The following ARGLU1 variants were observed in gnomAD, a reference collection of about 807,000 sequenced individuals.
ARGLU1 encodes arginine and glutamate rich 1, also known as arginine and glutamate-rich protein 1.
A neutral mutation model predicts 37.6 loss-of-function variants in ARGLU1; 9 were observed. The ratio of observed to expected loss-of-function variants is 0.24; its 90% CI spans 0.14 to 0.42. ARGLU1 has a LOEUF of 0.42. ARGLU1 is among the 10% of genes least tolerant of loss of function. ARGLU1 has a pLI of 1.00. For synonymous variants in ARGLU1, 166 were observed against 138.5 expected, an observed-to-expected ratio of 1.20 and a Z score of -1.39; for missense variants, 211 against 359.2, an observed-to-expected ratio of 0.59 and a Z score of 3.34.
chr13:106,567,888 C>T lies in ARGLU1; in HGVS notation c.32G>A (p.Arg11His). ...CTTGCTGCTCTTGGTGTGCTTGGAGCGGGACGAGCTCCGGCTCCGAGACCG... is the reference window on the plus strand; with the variant it reads ...CTTGCTGCTCTTGGTGTGCTTGGAGTGGGACGAGCTCCGGCTCCGAGACCG... Reference protein sequence around the residue: MGRSRSRSSSRSKHTKSSKHN... With the variant: MGRSRSRSSSHSKHTKSSKHN... Residue 11 changes from arginine (R) to histidine (H), a missense_variant, in exon 1 of 4, where the codon CGC becomes CAC. Arg to His is a conservative substitution (Grantham distance 29, BLOSUM62 0). Coordinates refer to ENST00000400198, the MANE Select transcript of ARGLU1 (RefSeq NM_018011.4). The surrounding 1 kb of genome is among the most constrained non-coding windows in gnomAD (Gnocchi z 4.3). 1 of 1,610,702 alleles carries T rather than the reference C, an allele frequency of 6.2e-7. No homozygotes were observed. The highest frequency in any genetic ancestry group is 1.3e-5 in the African/African-American group (1 of 74,884).
At chr13:106,544,661 T>A (rs1394372026) in intron 3 of ARGLU1, among the ~76,000 whole-genome samples, 2 of 152,106 alleles carry the variant, frequency 1.3e-5, no homozygotes, top group Admixed American at 1.3e-4. Context: ...GAGCAGGTTA[T>A]CTACCAATTG....
intron 2 of ARGLU1, chr13:106,558,525 A>G: frequency 1.0e-6 from 1 of 985,458 alleles, no homozygotes; most frequent in Non-Finnish European, 1.2e-6. Context: ...TTCATTATGC[A>G]AACTATGGTG....
chr13:106,544,233 T>A, intron 3 of ARGLU1, 73 bp from the exon 4 acceptor site: 4 of 1,345,800 alleles, frequency 3.0e-6, no homozygotes, highest in Non-Finnish European at 3.0e-6. Flanking sequence ...CAACAGGTGT[T>A]ATCTATTATG....
At chr13:106,562,721 G>A (rs1880843768) in intron 1 of ARGLU1, among the ~76,000 whole-genome samples, 1 of 152,062 alleles carries the variant, frequency 6.6e-6, no homozygotes, top group African/African-American at 2.4e-5. Context: ...GCTGGGCGCG[G>A]TGGCTCACGC....
chr13:106,555,323 T>C (rs910131494), intron 3 of ARGLU1, among the ~76,000 whole-genome samples: 4 of 152,128 alleles, frequency 2.6e-5, no homozygotes, highest in Admixed American at 2.0e-4. Context: ...ACTGCGCCAT[T>C]GCACTTCAGC....
At position 106,557,432 on chromosome 13, in the gene ARGLU1, G is replaced by T. The variant is rs774367265; in HGVS notation, c.574-301C>A. The T allele has an allele frequency of 2.8e-6, 2 of 702,924 alleles. No homozygotes were observed. Among genetic ancestry groups the T allele is most frequent in the Non-Finnish European group, 4.0e-6 (2 of 494,562 alleles). The allele number at this position is 702,924 out of a possible 1,614,324, so 43.5% of individuals were successfully genotyped here. ...ACAAGGACAACTACAAAACTGGATA[G>T]TATTTACCAAATTAAAAAAATAATA... On this transcript the variant is annotated intron_variant, in intron 2 of 3. Coordinates refer to ENST00000400198, the MANE Select transcript of ARGLU1 (RefSeq NM_018011.4). This position sits in a 1 kb window ranked among gnomAD's most constrained non-coding sequence, Gnocchi z 5.0.
intron 1 of ARGLU1, among the ~76,000 whole-genome samples, chr13:106,563,218 G>C (rs990914076): frequency 6.6e-6 from 1 of 152,044 alleles, no homozygotes; most frequent in Non-Finnish European, 1.5e-5. Context: ...TACTTAATAG[G>C]TAACATATAA....
intron 3 of ARGLU1, among the ~76,000 whole-genome samples, chr13:106,549,495 T>TAA (rs556748912): frequency 2.7e-3 from 410 of 152,350 alleles, no homozygotes; most frequent in African/African-American, 9.5e-3. Flanking sequence ...TGACACTTAG[T>TAA]AAACTACGTC....
chr13:106,556,519 T>C (rs902516553), intron 3 of ARGLU1, among the ~76,000 whole-genome samples: 6 of 151,314 alleles, frequency 4.0e-5, no homozygotes, highest in African/African-American at 9.7e-5. Context: ...CTTTATACCA[T>C]GTAACTGGAG....
Position 106,557,052 on chromosome 13 carries a change from T to C in ARGLU1, c.653A>G (p.Lys218Arg), listed in dbSNP as rs1250363762. Residue 218 changes from lysine to arginine, a missense_variant, in exon 3 of 4, where the codon AAA becomes AGA. Around this residue, in one of 3 missense-constraint regions of ARGLU1, gnomAD observed 80 missense variants for 158.4 expected, o/e 0.51. Transcript: ENST00000400198. This position sits in a 1 kb window ranked among gnomAD's most constrained non-coding sequence, Gnocchi z 5.0. ...NNRKIAEAQAKLAEEQLRIVE... is the reference protein window; with the variant it reads ...NNRKIAEAQARLAEEQLRIVE... ...TCATGTATGCTTTACACTTACCAGT[T>C]TGGCTTGTGCTTCTGCAATTTTTCG... is the stretch of plus-strand genomic sequence containing the variant. 3.7e-6 allele frequency: 6 copies of C among 1,612,840 alleles called. No individual in the cohort carries two copies. The highest frequency in any genetic ancestry group is 2.2e-5 in the East Asian group (1 of 44,866).
chr13:106,551,157 A>G (rs1880521638), intron 3 of ARGLU1, among the ~76,000 whole-genome samples: 1 of 152,200 alleles, frequency 6.6e-6, no homozygotes, highest in African/African-American at 2.4e-5. Flanking sequence ...CTAACAGTGA[A>G]CACCTTTTGC....
intron 1 of ARGLU1, among the ~76,000 whole-genome samples, chr13:106,562,153 CAGCAAA>C (rs1446071367): frequency 6.6e-6 from 1 of 152,184 alleles, no homozygotes; most frequent in African/African-American, 2.4e-5. Flanking sequence ...CAGGGTACCA[CAGCAAA>C]ACTGTTTGCC....
At chr13:106,565,103 C>CA (rs1247859226) in intron 1 of ARGLU1, among the ~76,000 whole-genome samples, 1 of 152,112 alleles carries the variant, frequency 6.6e-6, no homozygotes, top group Non-Finnish European at 1.5e-5. Context: ...ACAATCAAAA[C>CA]AAAAAAGGCA....
At chr13:106,559,904 A>G (rs1042301157) in intron 1 of ARGLU1, among the ~76,000 whole-genome samples, 1 of 152,216 alleles carries the variant, frequency 6.6e-6, no homozygotes, top group Non-Finnish European at 1.5e-5. Context: ...AGGTATATAC[A>G]AAGAGCCTAA....
At position 106,543,773 on chromosome 13, in the gene ARGLU1, G is replaced by A. The variant is rs1445932657; in HGVS notation, c.*223C>T. ...TAGAATCCAAACAGGTGAAAAATAC[G>A]TCACTCCTTAGAATACAACAATGAT... On this transcript the variant is annotated 3_prime_UTR_variant, in exon 4 of 4. Transcript: ENST00000400198. 7 of 413,234 alleles carry A rather than the reference G, an allele frequency of 1.7e-5. No homozygotes were observed. Among genetic ancestry groups the A allele is most frequent in the South Asian group, 7.2e-5 (2 of 27,858 alleles). The allele number at this position is 413,234 out of a possible 1,614,324, so 25.6% of individuals were successfully genotyped here.
chr13:106,564,502 C>T (rs117485575), intron 1 of ARGLU1, among the ~76,000 whole-genome samples: 524 of 152,300 alleles, frequency 3.4e-3, no homozygotes, highest in Admixed American at 8.4e-3. Flanking sequence ...TCTTATTTTA[C>T]GGTCTCTTTC....
At chr13:106,558,812 A>G (rs1266536530) in intron 2 of ARGLU1, 3 of 985,224 alleles carry the variant, frequency 3.0e-6, no homozygotes, top group Admixed American at 6.1e-5. Flanking sequence ...AATAATCTGG[A>G]TATTTTTCCT....
In ARGLU1 at chr13:106,544,025, G is replaced by C; in HGVS notation, c.793C>G (p.Leu265Val). 6.3e-7 allele frequency: 1 copy of C among 1,595,804 alleles called. No individual in the cohort carries two copies. The highest frequency in any genetic ancestry group is 8.5e-7 in the Non-Finnish European group (1 of 1,173,936). Residue 265 changes from leucine (L) to valine (V), a missense_variant, in exon 4 of 4, where the codon CTG (leucine) becomes GTG (valine). Leu to Val is a conservative substitution (Grantham distance 32, BLOSUM62 1). This residue lies in a region of ARGLU1 where 80 missense variants were observed against 158.4 expected (regional missense o/e 0.51). Coordinates refer to ENST00000400198, the MANE Select transcript of ARGLU1 (RefSeq NM_018011.4). ...TCCTGGGTTTTTAATGAGAAGGACA[G>C]TTTTGGCCTGGACTTCCCCTTGCCC... ...ILGKGKSRPK[L>V]SFSLKTQD
In ARGLU1 at chr13:106,559,529, C is replaced by T. The variant is rs1880741994; in HGVS notation, c.476G>A (p.Arg159Gln). 2.5e-6 allele frequency: 4 copies of T among 1,614,212 alleles called. No homozygotes were observed. The highest frequency in any genetic ancestry group is 1.7e-5 in the Admixed American group (1 of 60,022). The change falls in exon 2 of 4, where the codon CGA becomes CAA. Residue 159 changes from arginine (R) to glutamine (Q), a missense_variant. Coordinates refer to ENST00000400198, the MANE Select transcript of ARGLU1 (RefSeq NM_018011.4). ...GATGCGTTTGGCTTCCTCCACCCTT[C>T]GGAGAACTTCTCGTTCAATTTCATC... The part of the protein sequence containing the change: ...RKDEIEREVL[R>Q]RVEEAKRIME...
Sources: allele counts gnomAD v4.1 joint callset (sites outside exome capture counted in the v4.1 genomes callset), GRCh38; gene constraint gnomAD v4.1.1; regional missense constraint gnomAD v4.1.1; non-coding constraint Gnocchi (gnomAD v3.1); transcripts MANE v1.5; gene names NCBI Gene and HGNC (gene_info 2026-07-23, HGNC 2026-07-21).